Variants in UNC13B observed in about 807,000 individuals in gnomAD.
The protein encoded by UNC13B is unc-13 homolog B, also known as protein unc-13 homolog B.
In UNC13B, 144 loss-of-function variants were observed where a neutral mutation model predicts 211.0. That is an observed-to-expected ratio of 0.68 (90% CI 0.60 to 0.78). The LOEUF (loss-of-function observed/expected upper bound fraction) is 0.78. Among genes scored for constraint, UNC13B ranks in the 30% least tolerant of loss-of-function variants. UNC13B has a pLI of 0.00. For missense variants in UNC13B, 1,777 were observed against 2,002.0 expected, an observed-to-expected ratio of 0.89 and a Z score of 2.14; for synonymous variants, 709 against 725.8, an observed-to-expected ratio of 0.98 and a Z score of 0.37.
At chr9:35,382,309 C>A in intron 20 of UNC13B, 48 bp from the exon 21 acceptor site, 1 of 1,563,932 alleles carries the variant, frequency 6.4e-7, no homozygotes. Flanking sequence ...TTGGCTTTTG[C>A]TGCAAGCCCT....
rs573888102 is a variant in UNC13B, at chr9:35,166,954, G to C, written c.22+4649G>C. ...TCTGAGTCTAAACCAAGCTTGTCCA[G>C]CCTGTGGCATGTGAGCTGCATGTGG... On this transcript the variant is annotated intron_variant, in intron 1 of 39. Coordinates refer to ENST00000635942, the MANE Select transcript of UNC13B (RefSeq NM_001371189.2). 3.9e-5 allele frequency among the ~76,000 whole-genome samples: 6 copies of C among 152,190 alleles called. 1 individual carries two copies. The highest frequency in any genetic ancestry group is 8.8e-5 in the Non-Finnish European group (6 of 68,044).
Position 35,235,588 on chromosome 9 carries a change from A to G in UNC13B, c.153-881A>G, listed in dbSNP as rs375543633. On this transcript the variant is annotated intron_variant, in intron 3 of 39. Coordinates refer to ENST00000635942, the MANE Select transcript of UNC13B (RefSeq NM_001371189.2). The stretch of plus-strand genomic sequence containing the variant: ...CAAGTAGCTGGGATTACAGGTGTGC[A>G]CCACCATGCCCAGCTAATTTTTGTA... Among the ~76,000 whole-genome samples, 116 of 152,130 alleles carry G rather than the reference A, an allele frequency of 7.6e-4. 2 individuals are homozygous for G. The South Asian group carries it at 0.019, about 25-fold the overall frequency.
At chr9:35,342,266 G>A (rs1247085785) in intron 11 of UNC13B, 1 of 985,534 alleles carries the variant, frequency 1.0e-6, no homozygotes, top group Non-Finnish European at 1.2e-6. Context: ...GACAGCATTT[G>A]CCTTCTAAAA....
intron 1 of UNC13B, among the ~76,000 whole-genome samples, chr9:35,201,048 G>A (rs950039829): frequency 6.6e-5 from 10 of 152,140 alleles, no homozygotes; most frequent in Admixed American, 3.3e-4. Context: ...AGCATGACGG[G>A]CTGTTGAATT....
chr9:35,363,400 C>A (rs1833558341), intron 11 of UNC13B, among the ~76,000 whole-genome samples: 1 of 152,104 alleles, frequency 6.6e-6, no homozygotes, highest in Admixed American at 6.5e-5. Flanking sequence ...AACACATTAT[C>A]CTGGGGGGGT....
At chr9:35,185,695 G>A (rs531155875) in intron 1 of UNC13B, among the ~76,000 whole-genome samples, 4 of 151,776 alleles carry the variant, frequency 2.6e-5, no homozygotes, top group African/African-American at 2.4e-5. Flanking sequence ...CGAGGTGGGC[G>A]GATCACTTGA....
At chr9:35,396,683 G>A in intron 27 of UNC13B, 81 bp downstream of exon 27, 5 of 1,601,804 alleles carry the variant, frequency 3.1e-6, no homozygotes, top group Non-Finnish European at 3.4e-6. Flanking sequence ...ATTTCAGCAA[G>A]CCAGTCTCGG....
chr9:35,179,649 G>A (rs1821827010), intron 1 of UNC13B, among the ~76,000 whole-genome samples: 1 of 152,144 alleles, frequency 6.6e-6, no homozygotes, highest in African/African-American at 2.4e-5. Context: ...AAATTAGCTG[G>A]GTGTGGTGGT....
Position 35,236,596 on chromosome 9 carries a change from T to C in UNC13B, c.270+10T>C. Reference sequence around the variant, plus strand: ...TCGTCAGTCGGATGAGGTCAGTCATTGCATTTTCTGTTTGGAAGTATGGTT... The same window carrying C: ...TCGTCAGTCGGATGAGGTCAGTCATCGCATTTTCTGTTTGGAAGTATGGTT... On this transcript the variant is annotated intron_variant, in intron 4 of 39. Transcript: ENST00000635942. 6.2e-7 allele frequency: 1 copy of C among 1,610,952 alleles called. No homozygotes were observed. The highest frequency in any genetic ancestry group is 8.5e-7 in the Non-Finnish European group (1 of 1,177,264).
chr9:35,240,497 G>A (rs752127888), intron 5 of UNC13B, among the ~76,000 whole-genome samples: 15 of 152,124 alleles, frequency 9.9e-5, no homozygotes, highest in Non-Finnish European at 1.9e-4. Context: ...TGTAGACCAA[G>A]CTGCAAGTGA....
Position 35,300,969 on chromosome 9 carries a change from C to T in UNC13B, c.1565C>T (p.Thr522Met), listed in dbSNP as rs1373997965. ...PLTIVKNDKD[T>M]AISFPELTGV... ...ACTATTGTCAAGAATGACAAGGACA[C>T]GGCCATCTCTTTCCCTGAGTTGACT... The change falls in exon 9 of 40, where the codon ACG (threonine) becomes ATG (methionine). Residue 522 changes from threonine (T) to methionine (M), a missense_variant. By Grantham distance (81) the Thr-to-Met change is moderately conservative. Transcript: ENST00000635942. The T allele has an allele frequency of 1.0e-5, 4 of 398,864 alleles. No individual in the cohort carries two copies. The highest frequency in any genetic ancestry group is 1.3e-4 in the South Asian group (1 of 7,862). 24.7% of individuals were successfully genotyped at this position (398,864 alleles called of 1,614,324 possible). A position where few individuals can be genotyped will look rare whatever the true frequency, so the allele number is the denominator to read the frequency against.
At chr9:35,252,961 A>G (rs540248018) in intron 6 of UNC13B, among the ~76,000 whole-genome samples, 227 of 152,184 alleles carry the variant, frequency 1.5e-3, no homozygotes, top group African/African-American at 5.3e-3. Flanking sequence ...TTCTGTTACC[A>G]GCTATTCAGT....
chr9:35,234,696 T>C (rs1262784521), intron 3 of UNC13B, among the ~76,000 whole-genome samples: 1 of 152,200 alleles, frequency 6.6e-6, no homozygotes, highest in Non-Finnish European at 1.5e-5. Flanking sequence ...ATATGTCTTG[T>C]AAGTGCTCAG....
intron 11 of UNC13B, among the ~76,000 whole-genome samples, chr9:35,337,534 C>T (rs1831731841): frequency 6.6e-6 from 1 of 152,180 alleles, no homozygotes; most frequent in Non-Finnish European, 1.5e-5. Context: ...CCTTTCTTTC[C>T]ACCATGCTTC....
At chr9:35,397,738 CAGAA>C (rs758619293) in intron 30 of UNC13B, 26 bp downstream of exon 30, 31 of 1,611,486 alleles carry the variant, frequency 1.9e-5, no homozygotes, top group Non-Finnish European at 2.5e-5. Flanking sequence ...GGGACTCTTA[CAGAA>C]AGAGAGTGGA....
At chr9:35,403,638 G>C in intron 39 of UNC13B, 39 bp downstream of exon 39, 1 of 1,375,204 alleles carries the variant, frequency 7.3e-7, no homozygotes, top group Middle Eastern at 1.9e-4. Flanking sequence ...CTGGGATGGG[G>C]GTAAGACTTG....
intron 7 of UNC13B, among the ~76,000 whole-genome samples, chr9:35,293,876 A>G (rs1166933990): frequency 6.6e-6 from 1 of 152,062 alleles, no homozygotes; most frequent in African/African-American, 2.4e-5. Flanking sequence ...CTTCTTTCTC[A>G]TGTTGATATT....
At chr9:35,357,958 A>T (rs1157841124) in intron 11 of UNC13B, among the ~76,000 whole-genome samples, 2 of 151,896 alleles carry the variant, frequency 1.3e-5, no homozygotes, top group African/African-American at 4.8e-5. Context: ...ATCCCATCTC[A>T]CCCCAGTCCC....
chr9:35,225,435 G>A (rs2131474999), intron 1 of UNC13B, among the ~76,000 whole-genome samples: 1 of 152,314 alleles, frequency 6.6e-6, no homozygotes, highest in East Asian at 1.9e-4. Flanking sequence ...GATTACAGGT[G>A]TGAGCCACCA....
Sources: gnomAD v4.1 joint callset for allele counts (sites outside exome capture counted in the v4.1 genomes callset) on GRCh38, gnomAD v4.1.1 for gene constraint, MANE v1.5 for transcripts, NCBI Gene and HGNC (gene_info 2026-07-23, HGNC 2026-07-21) for gene names.